The following CEMIP2 variants were observed in gnomAD, a reference collection of about 807,000 sequenced individuals.
The protein encoded by CEMIP2 is cell surface hyaluronidase CEMIP2.
A neutral mutation model predicts 146.9 loss-of-function variants in CEMIP2; 79 were observed. The ratio of observed to expected loss-of-function variants is 0.54; its 90% CI spans 0.45 to 0.65. The LOEUF is 0.65. Among genes scored for constraint, CEMIP2 ranks in the 30% least tolerant of loss-of-function variants. CEMIP2 has a pLI of 0.00. For synonymous variants in CEMIP2, 601 were observed against 606.3 expected, an observed-to-expected ratio of 0.99 and a Z score of 0.13; for missense variants, 1,596 against 1,696.2, an observed-to-expected ratio of 0.94 and a Z score of 1.04.
At chr9:71,756,319 G>T (rs73485503) in intron 1 of CEMIP2, among the ~76,000 whole-genome samples, 1 of 148,142 alleles carries the variant, frequency 6.8e-6, no homozygotes, top group African/African-American at 2.5e-5. Flanking sequence ...ATATATGTGC[G>T]TGTGTATGTG....
intron 1 of CEMIP2, among the ~76,000 whole-genome samples, chr9:71,754,828 G>A (rs1824374348): frequency 6.6e-6 from 1 of 151,930 alleles, no homozygotes; most frequent in Non-Finnish European, 1.5e-5. Context: ...AATTTAGGCA[G>A]TATTAAATTA....
chr9:71,739,850 G>T (rs62549275), intron 5 of CEMIP2, among the ~76,000 whole-genome samples: 10,742 of 152,064 alleles, frequency 0.071, 539 homozygotes, highest in South Asian at 0.19. Flanking sequence ...ATGTGGTCTA[G>T]GGAAGCCAAA....
intron 1 of CEMIP2, among the ~76,000 whole-genome samples, chr9:71,759,358 G>A (rs566110623): frequency 5.9e-5 from 9 of 152,152 alleles, no homozygotes; most frequent in East Asian, 1.9e-4. Context: ...ATAATACAGC[G>A]AAAGTATAAG....
Position 71,709,297 on chromosome 9 carries a change from T to C in CEMIP2, c.2947A>G (p.Lys983Glu), listed in dbSNP as rs142567872. 2 of 1,614,204 alleles carry C rather than the reference T, an allele frequency of 1.2e-6. No individual in the cohort carries two copies. The highest frequency in any genetic ancestry group is 1.1e-5 in the South Asian group (1 of 91,092). Reference sequence around the variant, plus strand: ...CCACTGCAGATCACTGCATTCCACTTAGACACATTTACACAGCTTGGATGG... The same window carrying C: ...CCACTGCAGATCACTGCATTCCACTCAGACACATTTACACAGCTTGGATGG... ...IRHPSCVNVS[K>E]WNAVICSGTY... Residue 983 changes from lysine (K) to glutamate (E), a missense_variant, in exon 17 of 24, where the codon AAG becomes GAG. Lys to Glu is a moderately conservative substitution (Grantham distance 56). Transcript: ENST00000377044.
intron 10 of CEMIP2, among the ~76,000 whole-genome samples, chr9:71,727,512 G>A (rs1447599037): frequency 3.3e-5 from 5 of 152,136 alleles, no homozygotes; most frequent in African/African-American, 1.2e-4. Context: ...TATGTGTTAT[G>A]TTTTTAAAGA....
rs755487439 is a variant in CEMIP2 at position 71,690,159 on chromosome 9, T to C, written c.3784A>G (p.Lys1262Glu). 3 of 1,614,216 alleles carry C rather than the reference T, an allele frequency of 1.9e-6. No individual in the cohort carries two copies. The highest frequency in any genetic ancestry group is 3.3e-4 in the Middle Eastern group (2 of 6,062). ...PCSVPFRLTEKTVFPLADVSR... is the reference protein window; with the variant it reads ...PCSVPFRLTEETVFPLADVSR... ...ACATCAGCAAGAGGAAAAACCGTTT[T>C]TTCCGTCAAGCGGAATGGAACGCTG... Residue 1262 changes from lysine (K) to glutamate (E), a missense_variant, in exon 22 of 24, where the codon AAA becomes GAA. Coordinates refer to ENST00000377044, the MANE Select transcript of CEMIP2 (RefSeq NM_013390.3).
chr9:71,727,044 T>C lies in CEMIP2; in HGVS notation c.2050-1335A>G, dbSNP rs936601903. ...AATGAAAAAAATGGTTTGATTTACT[T>C]TGGGAGGAAAAACCCTGCCCAAATT... On this transcript the variant is annotated intron_variant, in intron 10 of 23. Coordinates refer to ENST00000377044, the MANE Select transcript of CEMIP2 (RefSeq NM_013390.3). Among the ~76,000 whole-genome samples, 9 of 152,340 alleles carry C rather than the reference T, an allele frequency of 5.9e-5. 1 individual carries two copies. The highest frequency in any genetic ancestry group is 3.9e-4 in the East Asian group (2 of 5,192).
intron 4 of CEMIP2, among the ~76,000 whole-genome samples, chr9:71,743,064 TA>T (rs1318430865): frequency 6.6e-6 from 1 of 151,696 alleles, no homozygotes; most frequent in Non-Finnish European, 1.5e-5. Flanking sequence ...TATTTAAAAT[TA>T]AAAAAGAAAA....
intron 4 of CEMIP2, 42 bp downstream of exon 4, chr9:71,744,976 G>C (rs1341856522): frequency 6.4e-7 from 1 of 1,574,018 alleles, no homozygotes. Context: ...CTCTCACACA[G>C]ACACGGACTC....
chr9:71,692,333 C>T (rs1283927476), intron 21 of CEMIP2, among the ~76,000 whole-genome samples: 1 of 124,488 alleles, frequency 8.0e-6, no homozygotes, highest in African/African-American at 3.7e-5. Flanking sequence ...AAACGCTCTC[C>T]CCATCTCTCT....
chr9:71,741,691 T>C (rs947144262), intron 4 of CEMIP2, among the ~76,000 whole-genome samples: 5 of 132,440 alleles, frequency 3.8e-5, no homozygotes, highest in Non-Finnish European at 6.2e-5. Context: ...TAGGCTAGAG[T>C]GCAATGGCGT....
intron 18 of CEMIP2, 70 bp from the exon 19 acceptor site, chr9:71,700,894 C>T: frequency 7.3e-7 from 1 of 1,365,074 alleles, no homozygotes. Context: ...ATAGCGTATG[C>T]AGATAACTGT....
At chr9:71,744,767 T>G (rs551886689) in intron 4 of CEMIP2, among the ~76,000 whole-genome samples, 12 of 152,306 alleles carry the variant, frequency 7.9e-5, no homozygotes, top group African/African-American at 9.6e-5. Flanking sequence ...ACCACACTTC[T>G]GCTCTCAACT....
intron 1 of CEMIP2, among the ~76,000 whole-genome samples, chr9:71,763,853 C>T (rs1824709803): frequency 6.6e-6 from 1 of 152,126 alleles, no homozygotes; most frequent in Admixed American, 6.6e-5. Flanking sequence ...TTAATAAAAA[C>T]CCTATGCTTA....
chr9:71,685,801 G>C lies in CEMIP2; in HGVS notation c.3897C>G (p.Asn1299Lys), dbSNP rs1416975250. ...CCAGAGGTACTAGTAAGTGTGAAATGTTTAACTGCTTTATTTCTCCTCTTG... is the reference window on the plus strand; with the variant it reads ...CCAGAGGTACTAGTAAGTGTGAAATCTTTAACTGCTTTATTTCTCCTCTTG... ...LSTRGEIKQL[N>K]ISHLLVPLGL... The change falls in exon 23 of 24, where the codon AAC becomes AAG. Residue 1299 changes from asparagine (N) to lysine (K), a missense_variant. Asn to Lys is a moderately conservative substitution (Grantham distance 94). Transcript: ENST00000377044. The C allele has an allele frequency of 6.2e-7, 1 of 1,614,060 alleles. No homozygotes were observed. The highest frequency in any genetic ancestry group is 2.2e-5 in the East Asian group (1 of 44,868).
chr9:71,695,046 T>C (rs1008288143), intron 20 of CEMIP2, among the ~76,000 whole-genome samples: 2 of 152,190 alleles, frequency 1.3e-5, no homozygotes, highest in Non-Finnish European at 2.9e-5. Flanking sequence ...CATGAGCAGG[T>C]CTCAACTCCT....
intron 22 of CEMIP2, among the ~76,000 whole-genome samples, chr9:71,689,421 G>T (rs1295079561): frequency 3.9e-5 from 6 of 152,170 alleles, no homozygotes; most frequent in African/African-American, 1.4e-4. Context: ...TCATCTCCTT[G>T]CCTCCAGGCA....
intron 12 of CEMIP2, among the ~76,000 whole-genome samples, chr9:71,719,955 T>C (rs1282881060): frequency 1.3e-5 from 2 of 150,954 alleles, no homozygotes; most frequent in African/African-American, 4.9e-5. Context: ...ACCCCCACAG[T>C]GCCCAGGCAT....
chr9:71,728,841 G>T (rs1156708304), intron 10 of CEMIP2, among the ~76,000 whole-genome samples: 10 of 151,520 alleles, frequency 6.6e-5, no homozygotes, highest in African/African-American at 9.7e-5. Context: ...GTGTGTGTGT[G>T]TTTTTATTGA....
Sources: allele counts gnomAD v4.1 joint callset (sites outside exome capture counted in the v4.1 genomes callset), GRCh38; gene constraint gnomAD v4.1.1; transcripts MANE v1.5; gene names NCBI Gene and HGNC (gene_info 2026-07-23, HGNC 2026-07-21).